Variants in ZNF556 observed in about 807,000 individuals in gnomAD.
ZNF556 encodes the protein zinc finger protein 556.
Under a neutral mutation model 13.6 loss-of-function variants are expected in ZNF556, and 11 were observed. That is an observed-to-expected ratio of 0.81 (90% CI 0.51 to 1.33). ZNF556 has a LOEUF of 1.33. ZNF556 is among the 40% of genes most tolerant of loss of function. The probability of loss-of-function intolerance (pLI) is 0.00; values close to 1 mark genes in which losing one functional copy is unlikely to be tolerated. For missense variants in ZNF556, 633 were observed against 566.2 expected, an observed-to-expected ratio of 1.12 and a Z score of -1.20; for synonymous variants, 229 against 207.8, an observed-to-expected ratio of 1.10 and a Z score of -0.88.
chr19:2,872,637 C>T (rs934422133), intron 1 of ZNF556, among the ~76,000 whole-genome samples: 3 of 152,024 alleles, frequency 2.0e-5, no homozygotes, highest in Non-Finnish European at 4.4e-5. Flanking sequence ...CTCATGTCCT[C>T]GGTCTCTTGC....
chr19:2,877,903 T>C lies in ZNF556; in HGVS notation c.945T>C (p.Tyr315=). The part of the protein sequence containing the change: ...HVRIHNGEKP[Y]KCGKCGKAFG... ...GAATTCACAACGGGGAGAAACCCTA[T>C]AAGTGTGGAAAATGCGGGAAAGCAT... The change falls in exon 4 of 4, where the codon TAT becomes TAC. Residue 315 remains tyrosine (Y), a synonymous_variant. Coordinates refer to ENST00000307635, the MANE Select transcript of ZNF556 (RefSeq NM_024967.3). 6.2e-7 allele frequency: 1 copy of C among 1,614,090 alleles called. No homozygotes were observed. Among genetic ancestry groups the C allele is most frequent in the South Asian group, 1.1e-5 (1 of 91,080 alleles).
intron 1 of ZNF556, among the ~76,000 whole-genome samples, chr19:2,872,289 C>T (rs1431103892): frequency 1.3e-5 from 2 of 151,630 alleles, no homozygotes; most frequent in African/African-American, 4.9e-5. Flanking sequence ...TTTTCCTTGA[C>T]ACTTACGCTA....
Position 2,867,433 on chromosome 19 carries a change from A to AGGGCAGGAGCC in ZNF556, c.3+11_3+21dup. On this transcript the variant is annotated intron_variant, in intron 1 of 3. Coordinates refer to ENST00000307635, the MANE Select transcript of ZNF556 (RefSeq NM_024967.3). Reference sequence around the variant, plus strand: ...GGAACGGACAGGACATGGTGAGTGCAGGGCAGGAGCCGAGCCGGAGCCGGA... The same window carrying AGGGCAGGAGCC: ...GGAACGGACAGGACATGGTGAGTGCAGGGCAGGAGCCGGGCAGGAGCCGAGCCGGAGCCGGA... The AGGGCAGGAGCC allele has an allele frequency of 1.3e-6, 2 of 1,584,142 alleles. No individual in the cohort carries two copies. Among genetic ancestry groups the AGGGCAGGAGCC allele is most frequent in the Non-Finnish European group, 1.7e-6 (2 of 1,166,774 alleles).
chr19:2,873,463 C>T, intron 1 of ZNF556, 33 bp from the exon 2 acceptor site: 1 of 1,610,146 alleles, frequency 6.2e-7, no homozygotes, highest in South Asian at 1.1e-5. Context: ...AGTTTTACCC[C>T]ATCCTCATGT....
In ZNF556 at chr19:2,877,669, G is replaced by A. The variant is rs779971486; in HGVS notation, c.711G>A (p.Gly237=). 3.1e-6 allele frequency: 5 copies of A among 1,614,200 alleles called. No individual in the cohort carries two copies. Among genetic ancestry groups the A allele is most frequent in the Non-Finnish European group, 4.2e-6 (5 of 1,180,042 alleles). Residue 237 remains glycine (G), a synonymous_variant, in exon 4 of 4, where the codon GGG becomes GGA. Coordinates refer to ENST00000307635, the MANE Select transcript of ZNF556 (RefSeq NM_024967.3). ...GEKPYECGQC[G]KGFSCPKSFR... is the part of the protein sequence containing the mutation. The stretch of plus-strand genomic sequence containing the variant: ...AACCCTACGAATGTGGGCAGTGTGG[G>A]AAAGGCTTCAGTTGTCCCAAATCCT...
Position 2,877,945 on chromosome 19 carries a change from C to T in ZNF556, c.987C>T (p.Ser329=), listed in dbSNP as rs575727473. 6.2e-7 allele frequency: 1 copy of T among 1,614,200 alleles called. No homozygotes were observed. Among genetic ancestry groups the T allele is most frequent in the Non-Finnish European group, 8.5e-7 (1 of 1,180,038 alleles). ...GGAAAGCATTCGGTTGGCCCTCATC[C>T]TTACACAAACACGCGAGAACGCATG... ...KCGKAFGWPS[S]LHKHARTHAK... Residue 329 remains serine (S), a synonymous_variant, in exon 4 of 4, where the codon TCC becomes TCT. Transcript: ENST00000307635.
At chr19:2,874,914 T>C (rs1380211014) in intron 2 of ZNF556, 2 of 93,764 alleles carry the variant, frequency 2.1e-5, no homozygotes, top group East Asian at 4.2e-4. Context: ...CTGCTTGTAC[T>C]TTTTTTTTTT....
At chr19:2,871,287 G>C (rs1324299906) in intron 1 of ZNF556, among the ~76,000 whole-genome samples, 1 of 152,162 alleles carries the variant, frequency 6.6e-6, no homozygotes, top group African/African-American at 2.4e-5. Flanking sequence ...TGCTATGTGA[G>C]ACAAACCAGG....
In ZNF556 at chr19:2,878,590, G is replaced by A. The variant is rs542072303; in HGVS notation, c.*261G>A. ...GCTCAGGAGGCTGAGGCAGGAGAAC[G>A]GCGTGAACCCGGGAGGCGGAGCTTG... On this transcript the variant is annotated 3_prime_UTR_variant, in exon 4 of 4. Transcript: ENST00000307635. The A allele has an allele frequency of 4.7e-4, 147 of 311,108 alleles. No individual in the cohort carries two copies. Among genetic ancestry groups the A allele is most frequent in the African/African-American group, 2.7e-3 (121 of 45,594 alleles). 19.3% of individuals were successfully genotyped at this position (311,108 alleles called of 1,614,324 possible).
intron 2 of ZNF556, chr19:2,875,432 A>G (rs997621434): frequency 2.6e-5 from 4 of 151,756 alleles, no homozygotes; most frequent in African/African-American, 9.7e-5. Flanking sequence ...TGACCTCGTG[A>G]TCCGCCCGCC....
In ZNF556 at chr19:2,877,262, C is replaced by T. The variant is rs1208057002; in HGVS notation, c.315-11C>T. On this transcript the variant is annotated splice_polypyrimidine_tract_variant and intron_variant, in intron 3 of 3. Coordinates refer to ENST00000307635, the MANE Select transcript of ZNF556 (RefSeq NM_024967.3). ...GGCATAAACCATTAATAATGTGCTACCCATTTTTAGCAGAAATCCAAGGGT... is the reference window on the plus strand; with the variant it reads ...GGCATAAACCATTAATAATGTGCTATCCATTTTTAGCAGAAATCCAAGGGT... 6.3e-7 allele frequency: 1 copy of T among 1,588,794 alleles called. No individual in the cohort carries two copies. Among genetic ancestry groups the T allele is most frequent in the African/African-American group, 1.4e-5 (1 of 73,532 alleles).
rs780627899 is a variant in ZNF556 at position 2,867,392 on chromosome 19, C to G, written c.-30C>G. The G allele has an allele frequency of 2.5e-6, 4 of 1,578,898 alleles. No individual in the cohort carries two copies. In the South Asian group the frequency reaches 3.5e-5, roughly 14 times the overall value. On this transcript the variant is annotated 5_prime_UTR_variant, in exon 1 of 4. Coordinates refer to ENST00000307635, the MANE Select transcript of ZNF556 (RefSeq NM_024967.3). Reference sequence around the variant, plus strand: ...TGCACCGGCTGCGAGGAGCAGGGAGCTCCTCAAAGAGCTCAGGAACGGACA... The same window carrying G: ...TGCACCGGCTGCGAGGAGCAGGGAGGTCCTCAAAGAGCTCAGGAACGGACA...
chr19:2,869,607 C>T (rs1190868281), intron 1 of ZNF556, among the ~76,000 whole-genome samples: 3 of 152,140 alleles, frequency 2.0e-5, no homozygotes, highest in African/African-American at 7.2e-5. Flanking sequence ...ACCTCATGAT[C>T]CGCCCACCTC....
At position 2,879,756 on chromosome 19, in the gene ZNF556, C is replaced by T. The variant is rs113050447; in HGVS notation, c.*1427C>T. The T allele has an allele frequency of 0.022, 3,300 of 152,086 alleles. 51 individuals are homozygous for T. Among genetic ancestry groups the T allele is most frequent in the Non-Finnish European group, 0.031 (2,093 of 68,050 alleles). The allele number at this position is 152,086 out of a possible 1,614,324, so 9.4% of individuals were successfully genotyped here. On this transcript the variant is annotated 3_prime_UTR_variant, in exon 4 of 4. Coordinates refer to ENST00000307635, the MANE Select transcript of ZNF556 (RefSeq NM_024967.3). Reference sequence around the variant, plus strand: ...AAAAACACAGGGGATTGCGGCTGGGCGCGGTGACTCACGCCTGTAATCCCA... The same window carrying T: ...AAAAACACAGGGGATTGCGGCTGGGTGCGGTGACTCACGCCTGTAATCCCA...
rs1309136436 is a variant in ZNF556 at position 2,873,481 on chromosome 19, T to C, written c.4-15T>C. 1.9e-6 allele frequency: 3 copies of C among 1,613,646 alleles called. No homozygotes were observed. The East Asian group carries it at 6.7e-5, about 36-fold the overall frequency. On this transcript the variant is annotated splice_polypyrimidine_tract_variant and intron_variant, in intron 1 of 3. Coordinates refer to ENST00000307635, the MANE Select transcript of ZNF556 (RefSeq NM_024967.3). ...TTTACCCCATCCTCATGTACACATA[T>C]GTGGTTTGTTTTAGGACACAGTGGT...
In ZNF556 at chr19:2,879,530, A is replaced by C. The variant is rs774013922; in HGVS notation, c.*1201A>C. On this transcript the variant is annotated 3_prime_UTR_variant, in exon 4 of 4. Coordinates refer to ENST00000307635, the MANE Select transcript of ZNF556 (RefSeq NM_024967.3). ...ATGTCCAGCTAATTTTTGTATTTTT[A>C]GTAGAGACGGGGTTTCACCATGTTG... 1.3e-5 allele frequency: 2 copies of C among 151,958 alleles called. No individual in the cohort carries two copies. The highest frequency in any genetic ancestry group is 2.9e-5 in the Non-Finnish European group (2 of 68,052). The allele number at this position is 151,958 out of a possible 1,614,324, so 9.4% of individuals were successfully genotyped here.
At chr19:2,868,779 C>T (rs747455957) in intron 1 of ZNF556, among the ~76,000 whole-genome samples, 7 of 149,922 alleles carry the variant, frequency 4.7e-5, no homozygotes, top group African/African-American at 9.9e-5. Flanking sequence ...AGTGCAATGG[C>T]GCGATCTCTG....
At position 2,876,309 on chromosome 19, in the gene ZNF556, G is replaced by A. The variant is rs771647520; in HGVS notation, c.314+33G>A. The A allele has an allele frequency of 9.1e-6, 14 of 1,540,622 alleles. No individual in the cohort carries two copies. In the South Asian group the frequency reaches 1.0e-4, roughly 11 times the overall value. The stretch of plus-strand genomic sequence containing the variant: ...GTACTTAGAAGAAAAAGGCAGTATC[G>A]CCAGGCACGGTGGCTCATGCCTGTA... On this transcript the variant is annotated intron_variant, in intron 3 of 3. Coordinates refer to ENST00000307635, the MANE Select transcript of ZNF556 (RefSeq NM_024967.3).
chr19:2,874,055 G>A (rs149850173), intron 2 of ZNF556, among the ~76,000 whole-genome samples: 145 of 148,458 alleles, frequency 9.8e-4, no homozygotes, highest in African/African-American at 3.4e-3. Flanking sequence ...TCAGGAGTTC[G>A]AGACCAGCCT....
Sources: allele counts gnomAD v4.1 joint callset (sites outside exome capture counted in the v4.1 genomes callset), GRCh38; gene constraint gnomAD v4.1.1; transcripts MANE v1.5; gene names NCBI Gene and HGNC (gene_info 2026-07-23, HGNC 2026-07-21).